The following PPARGC1A variants were observed in gnomAD, a reference collection of about 807,000 sequenced individuals.
PPARGC1A encodes the protein peroxisome proliferator-activated receptor gamma coactivator 1-alpha.
PPARGC1A carries 25 observed loss-of-function variants against 88.7 expected under a neutral mutation model. That is an observed-to-expected ratio of 0.28 (90% CI 0.21 to 0.39). The LOEUF (loss-of-function observed/expected upper bound fraction) is 0.39, where lower values mean the gene tolerates loss of function less well. Ranked by LOEUF, PPARGC1A falls within the 10% of genes least tolerant of loss-of-function variation. The pLI, the probability that PPARGC1A is intolerant of heterozygous loss-of-function variation, is 1.00. For missense variants in PPARGC1A, 880 were observed against 968.7 expected, an observed-to-expected ratio of 0.91 and a Z score of 1.22; for synonymous variants, 363 against 355.6, an observed-to-expected ratio of 1.02 and a Z score of -0.24.
chr4:24,286,356 G>A, the PPARGC1A span, among the ~76,000 whole-genome samples: 15,547 of 151,812 alleles, frequency 0.1, 1,290 homozygotes, highest in East Asian at 0.23. Flanking sequence ...CCCATGATAG[G>A]GACTGAAAAT....
the PPARGC1A span, among the ~76,000 whole-genome samples, chr4:24,113,204 A>G: frequency 6.6e-6 from 1 of 152,118 alleles, no homozygotes; most frequent in Non-Finnish European, 1.5e-5. Context: ...TCACAAAACA[A>G]TTGATATGTA....
intron 1 of PPARGC1A, among the ~76,000 whole-genome samples, chr4:23,886,046 C>G (rs182704034): frequency 6.4e-4 from 98 of 152,246 alleles, no homozygotes; most frequent in African/African-American, 2.3e-3. Context: ...TGTCAGTCCG[C>G]AGACAGTAAA....
At chr4:23,871,738 A>C (rs1056020822) in intron 2 of PPARGC1A, among the ~76,000 whole-genome samples, 1 of 152,134 alleles carries the variant, frequency 6.6e-6, no homozygotes, top group Non-Finnish European at 1.5e-5. Context: ...CAGGGAAGCT[A>C]ATGTCCTTAA....
At chr4:24,140,089 G>A in the PPARGC1A span, among the ~76,000 whole-genome samples, 9 of 152,134 alleles carry the variant, frequency 5.9e-5, no homozygotes, top group East Asian at 5.8e-4. Flanking sequence ...AGGGTTGCTC[G>A]GTCGAGAGCC....
At chr4:24,301,318 G>T in the PPARGC1A span, among the ~76,000 whole-genome samples, 1 of 152,134 alleles carries the variant, frequency 6.6e-6, no homozygotes, top group Non-Finnish European at 1.5e-5. Flanking sequence ...GGTTCATGTT[G>T]ATGAGAATTG....
chr4:24,424,339 G>C, the PPARGC1A span, among the ~76,000 whole-genome samples: 1 of 130,140 alleles, frequency 7.7e-6, no homozygotes, highest in Non-Finnish European at 1.5e-5. Flanking sequence ...GCCCTGGAGC[G>C]ATCTCGGCTC....
chr4:23,888,114 C>T (rs189831558), intron 1 of PPARGC1A, among the ~76,000 whole-genome samples: 5 of 152,270 alleles, frequency 3.3e-5, no homozygotes, highest in East Asian at 1.9e-4. Flanking sequence ...ACCTGCTGCT[C>T]GTAATATTTT....
the PPARGC1A span, among the ~76,000 whole-genome samples, chr4:24,050,589 G>A: frequency 9.2e-5 from 14 of 152,148 alleles, no homozygotes; most frequent in Non-Finnish European, 1.3e-4. Context: ...GACAGATCAA[G>A]TGATTGCTAG....
chr4:24,131,449 G>A, the PPARGC1A span, among the ~76,000 whole-genome samples: 1 of 152,150 alleles, frequency 6.6e-6, no homozygotes, highest in African/African-American at 2.4e-5. Context: ...TCCTTGTCCT[G>A]GTAGAACTCA....
At chr4:23,996,946 A>G in the PPARGC1A span, among the ~76,000 whole-genome samples, 5 of 152,176 alleles carry the variant, frequency 3.3e-5, no homozygotes, top group Non-Finnish European at 7.4e-5. Context: ...ATCAATGAGT[A>G]TTTGGTTTCC....
chr4:23,889,984 C>CTT lies in PPARGC1A; in HGVS notation c.-29_-28dup. On this transcript the variant is annotated 5_prime_UTR_variant, in exon 1 of 13. The change abolishes the stop of an existing upstream ORF in the 5' untranslated region. Coordinates refer to ENST00000264867, the MANE Select transcript of PPARGC1A (RefSeq NM_013261.5). Reference sequence around the variant, plus strand: ...CAGCTCCTGAATGACGCCAGTCAAGCTTTTTCAACTCCAATCCACAGTGAC... The same window carrying CTT: ...CAGCTCCTGAATGACGCCAGTCAAGCTTTTTTTCAACTCCAATCCACAGTGAC... The CTT allele has an allele frequency of 6.2e-7, 1 of 1,613,298 alleles. No individual in the cohort carries two copies. Among genetic ancestry groups the CTT allele is most frequent in the Non-Finnish European group, 8.5e-7 (1 of 1,179,548 alleles).
chr4:24,191,960 G>C, the PPARGC1A span, among the ~76,000 whole-genome samples: 1 of 152,160 alleles, frequency 6.6e-6, no homozygotes, highest in Non-Finnish European at 1.5e-5. Context: ...TTGGAGACGG[G>C]GATGTGTACA....
At chr4:24,175,426 G>A in the PPARGC1A span, among the ~76,000 whole-genome samples, 1 of 145,308 alleles carries the variant, frequency 6.9e-6, no homozygotes, top group Non-Finnish European at 1.5e-5. Flanking sequence ...CCAGGCTGGA[G>A]CGTAGTGGCG....
At chr4:23,796,922 A>G (rs535059067) in intron 12 of PPARGC1A, among the ~76,000 whole-genome samples, 1 of 152,172 alleles carries the variant, frequency 6.6e-6, no homozygotes, top group African/African-American at 2.4e-5. Flanking sequence ...AAAGTAATAG[A>G]AGGATATAAT....
the PPARGC1A span, among the ~76,000 whole-genome samples, chr4:24,259,776 T>G: frequency 6.6e-6 from 1 of 152,202 alleles, no homozygotes; most frequent in Non-Finnish European, 1.5e-5. Context: ...TTTCTATCTT[T>G]TTACTCTTGC....
chr4:24,328,131 C>T, the PPARGC1A span, among the ~76,000 whole-genome samples: 3 of 151,990 alleles, frequency 2.0e-5, no homozygotes, highest in Non-Finnish European at 2.9e-5. Flanking sequence ...AGACTCAGCC[C>T]GCCTGCACCC....
chr4:24,400,599 C>T, the PPARGC1A span, among the ~76,000 whole-genome samples: 1 of 152,236 alleles, frequency 6.6e-6, no homozygotes, highest in Non-Finnish European at 1.5e-5. Context: ...ACTAATACAA[C>T]ACTCCTCTCC....
the PPARGC1A span, among the ~76,000 whole-genome samples, chr4:24,362,396 T>TG: frequency 3.8e-5 from 4 of 104,290 alleles, no homozygotes; most frequent in Non-Finnish European, 7.9e-5. Context: ...ATGGATGGAT[T>TG]TATTGAGAGA....
the PPARGC1A span, among the ~76,000 whole-genome samples, chr4:24,120,603 T>A: frequency 4.6e-5 from 7 of 152,308 alleles, no homozygotes; most frequent in Non-Finnish European, 8.8e-5. Flanking sequence ...TGAATGTTTG[T>A]GTCCCCCAAA....
Sources: allele counts gnomAD v4.1 joint callset (sites outside exome capture counted in the v4.1 genomes callset), GRCh38; gene constraint gnomAD v4.1.1; transcripts MANE v1.5; gene names NCBI Gene and HGNC (gene_info 2026-07-23, HGNC 2026-07-21).